FBF1: variants seen among roughly 807,000 people sequenced by gnomAD.
FBF1 encodes Fas binding factor 1.
Under a neutral mutation model 147.2 loss-of-function variants are expected in FBF1, and 119 were observed. The ratio of observed to expected loss-of-function variants is 0.81; its 90% CI spans 0.70 to 0.94. FBF1 has a LOEUF of 0.94. Among genes scored for constraint, FBF1 ranks in the 40% least tolerant of loss-of-function variants. The pLI, the probability that FBF1 is intolerant of heterozygous loss-of-function variation, is 0.00. For missense variants in FBF1, 1,449 were observed against 1,500.8 expected (o/e 0.97, Z 0.57); for synonymous variants, 601 against 609.0 (o/e 0.99, Z 0.19).
rs756992581 is a variant in FBF1, at chr17:75,915,139, C to T, written c.2506G>A (p.Glu836Lys). The part of the protein sequence containing the change: ...LNEQSRLLEQ[E>K]RWRVTAEQSK... ...TGCTCGGCAGTCACCCGCCAGCGTT[C>T]CTGTAGGGCCCAGGGCAGGACTGAG... The change falls in exon 24 of 30, where the codon GAA becomes AAA. Residue 836 changes from glutamate (E) to lysine (K), a missense_variant and splice_region_variant. Coordinates refer to ENST00000636174, the MANE Select transcript of FBF1 (RefSeq NM_001319193.2). 1 of 1,608,392 alleles carries T rather than the reference C, an allele frequency of 6.2e-7. No homozygotes were observed. The highest frequency in any genetic ancestry group is 8.5e-7 in the Non-Finnish European group (1 of 1,179,300).
chr17:75,909,652 C>T lies in FBF1; in HGVS notation c.*1071G>A, dbSNP rs1447534970. 1.8e-6 allele frequency: 1 copy of T among 570,460 alleles called. No homozygotes were observed. Among genetic ancestry groups the T allele is most frequent in the Non-Finnish European group, 3.1e-6 (1 of 319,810 alleles). 35.3% of individuals were successfully genotyped at this position (570,460 alleles called of 1,614,324 possible). On this transcript the variant is annotated 3_prime_UTR_variant, in exon 30 of 30. Transcript: ENST00000636174. ...GAAGCAGGGCTAATAGTACCCTTCT[C>T]CTGGCTGTGGTCCAGCTGCCAGGTG... is the stretch of plus-strand genomic sequence containing the variant.
intron 10 of FBF1, 37 bp from the exon 11 acceptor site, chr17:75,926,463 C>G (rs769369800): frequency 1.1e-5 from 16 of 1,513,202 alleles, no homozygotes; most frequent in African/African-American, 2.8e-5. Flanking sequence ...CTGCAGCCTT[C>G]TTGCCCTCAA....
At chr17:75,934,520 C>T (rs968787181) in intron 4 of FBF1, among the ~76,000 whole-genome samples, 22 of 149,102 alleles carry the variant, frequency 1.5e-4, no homozygotes, top group African/African-American at 5.5e-4. Flanking sequence ...GGTGCCACTG[C>T]ACTCCAGCCT....
chr17:75,929,096 G>T (rs1357218711), intron 7 of FBF1, among the ~76,000 whole-genome samples: 3 of 151,748 alleles, frequency 2.0e-5, no homozygotes, highest in Non-Finnish European at 4.4e-5. Context: ...GCTCAAGCGA[G>T]CCTACTGCCT....
chr17:75,935,531 C>T, intron 4 of FBF1, 101 bp downstream of exon 4: 1 of 1,228,452 alleles, frequency 8.1e-7, no homozygotes, highest in Non-Finnish European at 1.1e-6. Context: ...GCGGGAGGAT[C>T]ATTTCAGTCC....
rs753223321 is a variant in FBF1, at chr17:75,926,098, A to C, written c.800T>G (p.Leu267Arg). The change falls in exon 12 of 30, where the codon CTC becomes CGC. Residue 267 changes from leucine (L) to arginine (R), a missense_variant. Transcript: ENST00000636174. ...ELLGRGMATK[L>R]LARPGTGEHR... Reference sequence around the variant, plus strand: ...CTCCCCGGTGCCCGGGCGGGCCAGGAGTTTGGTGGCCATGCCTCGACCCAG... The same window carrying C: ...CTCCCCGGTGCCCGGGCGGGCCAGGCGTTTGGTGGCCATGCCTCGACCCAG... 6 of 1,612,024 alleles carry C rather than the reference A, an allele frequency of 3.7e-6. No individual in the cohort carries two copies. The African/African-American group carries it at 8.0e-5, about 22-fold the overall frequency.
chr17:75,937,775 C>T (rs539421879), intron 2 of FBF1, 182 bp from the exon 3 acceptor site: 74 of 714,128 alleles, frequency 1.0e-4, no homozygotes, highest in African/African-American at 5.6e-4. Context: ...TCATTCAGAG[C>T]GTGGAAACAG....
rs1367157224 is a variant in FBF1 at position 75,917,627 on chromosome 17, C to A, written c.2505+105G>T. The A allele has an allele frequency of 8.6e-6, 9 of 1,043,754 alleles. No homozygotes were observed. In the African/African-American group the frequency reaches 1.4e-4, roughly 17 times the overall value. The allele number at this position is 1,043,754 out of a possible 1,614,324, so 64.7% of individuals were successfully genotyped here. A position where few individuals can be genotyped will look rare whatever the true frequency, so the allele number is the denominator to read the frequency against. On this transcript the variant is annotated intron_variant, in intron 23 of 29. Coordinates refer to ENST00000636174, the MANE Select transcript of FBF1 (RefSeq NM_001319193.2). The stretch of plus-strand genomic sequence containing the variant: ...CAGGAAGCGGCAGGTGGGGCCTTGA[C>A]CTCCTGAGGAAGTGAGGTCACGGGA...
Position 75,928,042 on chromosome 17 carries a change from T to TC in FBF1, c.397+33dup. ...TCCCTAGCAGATGCGAGGAGCCGTC[T>TC]CCCATGCACCTTTCTCACTGGCTAC... On this transcript the variant is annotated intron_variant, in intron 8 of 29. Transcript: ENST00000636174. The surrounding 1 kb of genome is among the most constrained non-coding windows in gnomAD (Gnocchi z 4.2). The TC allele has an allele frequency of 6.4e-7, 1 of 1,551,808 alleles. No individual in the cohort carries two copies. Among genetic ancestry groups the TC allele is most frequent in the South Asian group, 1.1e-5 (1 of 89,198 alleles).
At chr17:75,917,676 C>T (rs2065496632) in intron 23 of FBF1, 56 bp downstream of exon 23, 1 of 1,481,716 alleles carries the variant, frequency 6.7e-7, no homozygotes, top group Non-Finnish European at 9.1e-7. Context: ...TGCGGGTGCC[C>T]TGGAGAAGAG....
rs996114004 is a variant in FBF1, at chr17:75,922,523, C to G, written c.1425-477G>C. On this transcript the variant is annotated intron_variant, in intron 14 of 29. Coordinates refer to ENST00000636174, the MANE Select transcript of FBF1 (RefSeq NM_001319193.2). The surrounding 1 kb of genome is among the most constrained non-coding windows in gnomAD (Gnocchi z 5.0). Reference sequence around the variant, plus strand: ...CCTCGGCCTCAGGTCAAAGTCAAAACTGCCCTCCTGTCATCAACCCCAGGA... The same window carrying G: ...CCTCGGCCTCAGGTCAAAGTCAAAAGTGCCCTCCTGTCATCAACCCCAGGA... Among the ~76,000 whole-genome samples the G allele has an allele frequency of 2.0e-5, 3 of 152,146 alleles. No individual in the cohort carries two copies. Among genetic ancestry groups the G allele is most frequent in the African/African-American group, 7.2e-5 (3 of 41,434 alleles).
Position 75,939,315 on chromosome 17 carries a change from A to AC in FBF1, c.-83-1084_-83-1083insG, listed in dbSNP as rs2065645679. Reference sequence around the variant, plus strand: ...GTCTCCAAAAAAAAAAAAAAAAAAAAAACGTGCTCTGGATAACTTAATGGG... The same window carrying AC: ...GTCTCCAAAAAAAAAAAAAAAAAAAACAACGTGCTCTGGATAACTTAATGGG... On this transcript the variant is annotated intron_variant, in intron 1 of 29. Coordinates refer to ENST00000636174, the MANE Select transcript of FBF1 (RefSeq NM_001319193.2). 5.6e-5 allele frequency among the ~76,000 whole-genome samples: 8 copies of AC among 143,250 alleles called. No individual in the cohort carries two copies. In the South Asian group the frequency reaches 1.3e-3, roughly 23 times the overall value. The allele number at this position is 143,250 out of a possible 152,430, so 94.0% of individuals were successfully genotyped here.
At chr17:75,913,554 C>A in intron 28 of FBF1, 148 bp downstream of exon 28, 1 of 542,690 alleles carries the variant, frequency 1.8e-6, no homozygotes, top group Non-Finnish European at 3.2e-6. Context: ...CTAAAATTAA[C>A]ACACATTATT....
intron 15 of FBF1, 79 bp from the exon 16 acceptor site, chr17:75,921,639 T>C: frequency 3.1e-6 from 1 of 317,518 alleles, no homozygotes; most frequent in Non-Finnish European, 4.6e-6. Flanking sequence ...AGCCTCTAGG[T>C]GGGACATGGG....
intron 4 of FBF1, 124 bp downstream of exon 4, chr17:75,935,508 T>C: frequency 5.1e-6 from 5 of 987,942 alleles, no homozygotes; most frequent in Non-Finnish European, 7.3e-6. Flanking sequence ...ATCCCAGCAC[T>C]TTGGTTTAGG....
At position 75,923,212 on chromosome 17, in the gene FBF1, C is replaced by T; in HGVS notation, c.1398G>A (p.Gly466=). 6 of 1,589,774 alleles carry T rather than the reference C, an allele frequency of 3.8e-6. No individual in the cohort carries two copies. The East Asian group carries it at 1.1e-4, about 30-fold the overall frequency. ...AGTSEGLHLA[G]TAGHPPSGSQ... The stretch of plus-strand genomic sequence containing the variant: ...TGCCAGAAGGGGGATGGCCCGCTGT[C>T]CCCGCCAAATGCAGGCCCTCAGAGG... Residue 466 remains glycine, a synonymous_variant, in exon 14 of 30, where the codon GGG becomes GGA. Transcript: ENST00000636174. The surrounding 1 kb of genome is among the most constrained non-coding windows in gnomAD (Gnocchi z 4.1).
Position 75,923,238 on chromosome 17 carries a change from T to A in FBF1, c.1372A>T (p.Thr458Ser). The A allele has an allele frequency of 6.3e-7, 1 of 1,591,690 alleles. No homozygotes were observed. The highest frequency in any genetic ancestry group is 8.5e-7 in the Non-Finnish European group (1 of 1,169,640). ...CCCGCCAAATGCAGGCCCTCAGAGG[T>A]CCCAGCATGCTGCTCTCTGGCCAGG... is the stretch of plus-strand genomic sequence containing the variant. ...QGLAREQHAGTSEGLHLAGTA... is the reference protein window; with the variant it reads ...QGLAREQHAGSSEGLHLAGTA... Residue 458 changes from threonine to serine, a missense_variant, in exon 14 of 30, where the codon ACC becomes TCC. Transcript: ENST00000636174. The surrounding 1 kb of genome is among the most constrained non-coding windows in gnomAD (Gnocchi z 4.1).
In FBF1 at chr17:75,926,034, T is replaced by C. The variant is rs777887247; in HGVS notation, c.864A>G (p.Pro288=). 3.1e-6 allele frequency: 5 copies of C among 1,610,042 alleles called. No homozygotes were observed. The highest frequency in any genetic ancestry group is 4.2e-6 in the Non-Finnish European group (5 of 1,178,792). ...EFKLDKKYQR[P]QDSEDMWGDE... is the part of the protein sequence containing the mutation. The stretch of plus-strand genomic sequence containing the variant: ...GGCCCCCGCAAGCCTCCTTACCCTG[T>C]GGCCTCTGGTACTTCTTGTCTAGCT... Residue 288 remains proline (P), a synonymous_variant, in exon 12 of 30, where the codon CCA becomes CCG. Coordinates refer to ENST00000636174, the MANE Select transcript of FBF1 (RefSeq NM_001319193.2).
At chr17:75,929,320 G>A (rs971960850) in intron 7 of FBF1, among the ~76,000 whole-genome samples, 5 of 152,038 alleles carry the variant, frequency 3.3e-5, no homozygotes, top group Admixed American at 6.6e-5. Flanking sequence ...GATAGAATGC[G>A]ATGGTGTCTC....
Sources: gnomAD v4.1 joint callset for allele counts (sites outside exome capture counted in the v4.1 genomes callset) on GRCh38, gnomAD v4.1.1 for gene constraint, Gnocchi (gnomAD v3.1) non-coding constraint, MANE v1.5 for transcripts, NCBI Gene and HGNC (gene_info 2026-07-23, HGNC 2026-07-21) for gene names.